The following SDK1 variants were observed in gnomAD, a reference collection of about 807,000 sequenced individuals.
SDK1 encodes the protein protein sidekick-1.
SDK1 carries 157 observed loss-of-function variants against 245.5 expected under a neutral mutation model. The observed-to-expected ratio is 0.64, with a 90% CI of 0.56 to 0.73. The LOEUF is 0.73. SDK1 is among the 30% of genes least tolerant of loss of function. The pLI is 0.00. For synonymous variants in SDK1, 1,647 were observed against 1,278.5 expected, an observed-to-expected ratio of 1.29 and a Z score of -6.15; for missense variants, 3,583 against 3,002.3, an observed-to-expected ratio of 1.19 and a Z score of -4.52.
chr7:3,856,086 C>G (rs1780538472), intron 5 of SDK1, among the ~76,000 whole-genome samples: 1 of 152,010 alleles, frequency 6.6e-6, no homozygotes, highest in Non-Finnish European at 1.5e-5. Flanking sequence ...TTTTGGAAGA[C>G]TGGGGAGAAG....
intron 22 of SDK1, among the ~76,000 whole-genome samples, chr7:4,110,300 G>A (rs1562824211): frequency 6.6e-6 from 1 of 152,184 alleles, no homozygotes; most frequent in Non-Finnish European, 1.5e-5. Flanking sequence ...CTTTCTCTGA[G>A]CCCTCACTTG....
intron 35 of SDK1, among the ~76,000 whole-genome samples, chr7:4,204,709 CGGA>C (rs1784094994): frequency 6.6e-6 from 1 of 152,200 alleles, no homozygotes; most frequent in Non-Finnish European, 1.5e-5. Context: ...CGGCGGCAGG[CGGA>C]GAGGAGTGCT....
At chr7:3,535,048 C>T (rs899938652) in intron 1 of SDK1, among the ~76,000 whole-genome samples, 6 of 152,012 alleles carry the variant, frequency 3.9e-5, no homozygotes, top group East Asian at 1.9e-4. Flanking sequence ...CCAAGGTGGG[C>T]GGATCACCTG....
At chr7:3,630,502 G>A (rs1299526848) in intron 2 of SDK1, among the ~76,000 whole-genome samples, 1 of 152,204 alleles carries the variant, frequency 6.6e-6, no homozygotes, top group African/African-American at 2.4e-5. Flanking sequence ...TGGGCATGGT[G>A]GTGCATGCCT....
intron 5 of SDK1, among the ~76,000 whole-genome samples, chr7:3,866,707 T>G (rs1282981268): frequency 6.6e-6 from 1 of 152,122 alleles, no homozygotes; most frequent in Non-Finnish European, 1.5e-5. Flanking sequence ...TTGTGAGGCA[T>G]ACAGACACCA....
Position 3,990,084 on chromosome 7 carries a change from C to T in SDK1, c.2131+2762C>T, listed in dbSNP as rs76746093. On this transcript the variant is annotated intron_variant, in intron 14 of 44. Transcript: ENST00000404826. ...GCTTCAGGGAGAGGCCACACTTGGG[C>T]GTTGGTCTGTGTGGACGTGGAGGAA... 1.4e-4 allele frequency among the ~76,000 whole-genome samples: 22 copies of T among 152,334 alleles called. No individual in the cohort carries two copies. In the East Asian group the frequency reaches 3.7e-3, roughly 25 times the overall value.
At chr7:3,938,487 A>C (rs1218012617) in intron 5 of SDK1, among the ~76,000 whole-genome samples, 1 of 152,020 alleles carries the variant, frequency 6.6e-6, no homozygotes, top group Non-Finnish European at 1.5e-5. Context: ...CTAAAAATAC[A>C]AAAACAAAAT....
chr7:3,554,537 T>G (rs541349015), intron 1 of SDK1, among the ~76,000 whole-genome samples: 1 of 152,180 alleles, frequency 6.6e-6, no homozygotes, highest in Non-Finnish European at 1.5e-5. Flanking sequence ...GAGATTGTAC[T>G]CACTCCTCCA....
chr7:3,378,688 G>A (rs1303895483), intron 1 of SDK1, among the ~76,000 whole-genome samples: 1 of 152,050 alleles, frequency 6.6e-6, no homozygotes, highest in African/African-American at 2.4e-5. Context: ...ACATTTGTAG[G>A]TAAGGATCTG....
At position 3,478,931 on chromosome 7, in the gene SDK1, C is replaced by G. The variant is rs193211532; in HGVS notation, c.299-140149C>G. Among the ~76,000 whole-genome samples the G allele has an allele frequency of 4.2e-3, 642 of 152,064 alleles. 7 individuals are homozygous for G. The highest frequency in any genetic ancestry group is 0.018 in the South Asian group (86 of 4,824). The stretch of plus-strand genomic sequence containing the variant: ...TTAGCTTTATGATTTCTTCTTTAAT[C>G]AGTGGATTATTTAGAAATGTGTTTT... On this transcript the variant is annotated intron_variant, in intron 1 of 44. Transcript: ENST00000404826.
At chr7:3,428,263 AATT>A (rs1261755589) in intron 1 of SDK1, among the ~76,000 whole-genome samples, 1 of 152,090 alleles carries the variant, frequency 6.6e-6, no homozygotes, top group Non-Finnish European at 1.5e-5. Context: ...TCTTTTATGT[AATT>A]ATTATTGATT....
chr7:3,301,736 A>G lies in SDK1; in HGVS notation c.150A>G (p.Arg50=), dbSNP rs1779266735. ...LAPRPGPEPS[R]PRAAPETSGG... The stretch of plus-strand genomic sequence containing the variant: ...CGCGCCCCGGCCCGGAGCCCTCGCG[A>G]CCCCGGGCGGCGCCCGAGACCTCCG... The change falls in exon 1 of 45, where the codon CGA becomes CGG. Residue 50 remains arginine (R), a synonymous_variant. Transcript: ENST00000404826. 1.0e-6 allele frequency: 1 copy of G among 975,216 alleles called. No homozygotes were observed. Among genetic ancestry groups the G allele is most frequent in the Non-Finnish European group, 1.2e-6 (1 of 826,100 alleles). The allele number at this position is 975,216 out of a possible 1,614,324, so 60.4% of individuals were successfully genotyped here. A position where few individuals can be genotyped will look rare whatever the true frequency, so the allele number is the denominator to read the frequency against.
chr7:4,252,785 C>A (rs1176631656), intron 44 of SDK1, among the ~76,000 whole-genome samples: 1 of 150,468 alleles, frequency 6.6e-6, no homozygotes. Flanking sequence ...TTGTTAATTA[C>A]TAGTTCTATC....
At chr7:3,776,051 C>T (rs1343410498) in intron 4 of SDK1, among the ~76,000 whole-genome samples, 2 of 152,224 alleles carry the variant, frequency 1.3e-5, no homozygotes, top group African/African-American at 2.4e-5. Flanking sequence ...CAGGATTCTT[C>T]ATTCATCACC....
At chr7:3,947,310 G>T (rs1171623422) in intron 5 of SDK1, among the ~76,000 whole-genome samples, 1 of 152,048 alleles carries the variant, frequency 6.6e-6, no homozygotes, top group East Asian at 1.9e-4. Context: ...TATCGTCCAG[G>T]TTAAAAACAT....
At position 3,901,501 on chromosome 7, in the gene SDK1, C is replaced by T. The variant is rs141225736; in HGVS notation, c.848-49422C>T. ...TTAACTATCGTAATGACCCCATGTC[C>T]TTGTCAGTGCACCACATCAGAGGCC... is the stretch of plus-strand genomic sequence containing the variant. On this transcript the variant is annotated intron_variant, in intron 5 of 44. Transcript: ENST00000404826. Among the ~76,000 whole-genome samples the T allele has an allele frequency of 1.7e-3, 253 of 152,310 alleles. 2 individuals carry two copies. The highest frequency in any genetic ancestry group is 5.8e-3 in the African/African-American group (241 of 41,552).
intron 4 of SDK1, among the ~76,000 whole-genome samples, chr7:3,652,015 G>C (rs1223780511): frequency 6.6e-6 from 1 of 152,162 alleles, no homozygotes; most frequent in Non-Finnish European, 1.5e-5. Flanking sequence ...TGAGGAAGAA[G>C]GATACTGAAT....
chr7:3,499,414 G>A (rs927133243), intron 1 of SDK1, among the ~76,000 whole-genome samples: 3 of 152,088 alleles, frequency 2.0e-5, no homozygotes, highest in Non-Finnish European at 2.9e-5. Context: ...TATTAAAAAT[G>A]TGTAGTATGG....
chr7:3,408,612 T>C (rs1438807261), intron 1 of SDK1, among the ~76,000 whole-genome samples: 3 of 152,244 alleles, frequency 2.0e-5, no homozygotes, highest in African/African-American at 7.2e-5. Flanking sequence ...CTTTTTGCTT[T>C]CTGTATGTTG....
Sources: allele counts gnomAD v4.1 joint callset (sites outside exome capture counted in the v4.1 genomes callset), GRCh38; gene constraint gnomAD v4.1.1; transcripts MANE v1.5; gene names NCBI Gene and HGNC (gene_info 2026-07-23, HGNC 2026-07-21).